The following CNTNAP1 variants were observed in gnomAD, a reference collection of about 807,000 sequenced individuals.
CNTNAP1 encodes the protein contactin associated protein 1.
Under a neutral mutation model 161.5 loss-of-function variants are expected in CNTNAP1, and 80 were observed. The observed-to-expected ratio is 0.50, with a 90% confidence interval of 0.41 to 0.60. The LOEUF is 0.60. CNTNAP1 is among the 20% of genes least tolerant of loss of function. The probability of loss-of-function intolerance (pLI) is 0.00; values close to 1 mark genes in which losing one functional copy is unlikely to be tolerated. For synonymous variants in CNTNAP1, 695 were observed against 733.1 expected (o/e 0.95, Z 0.84); for missense variants, 1,464 against 1,854.8 (o/e 0.79, Z 3.87).
intron 18 of CNTNAP1, among the ~76,000 whole-genome samples, chr17:42,694,176 CT>C (rs1335535599): frequency 1.0e-3 from 146 of 141,968 alleles, no homozygotes; most frequent in Admixed American, 1.1e-3. Flanking sequence ...TTTCTTTTTT[CT>C]TTTTTTTTTT....
In CNTNAP1 at chr17:42,687,167, G is replaced by A; in HGVS notation, c.1044+121G>A. ...CGGAGAATCCCTCTGTCCCCAGCCAGATGCTCAAGTTGGGAGGGGAGCGGG... is the reference window on the plus strand; with the variant it reads ...CGGAGAATCCCTCTGTCCCCAGCCAAATGCTCAAGTTGGGAGGGGAGCGGG... On this transcript the variant is annotated intron_variant, in intron 7 of 23. Coordinates refer to ENST00000264638, the MANE Select transcript of CNTNAP1 (RefSeq NM_003632.3). This position sits in a 1 kb window ranked among gnomAD's most constrained non-coding sequence, Gnocchi z 4.7. 1 of 1,399,830 alleles carries A rather than the reference G, an allele frequency of 7.1e-7. No individual in the cohort carries two copies. The highest frequency in any genetic ancestry group is 9.6e-7 in the Non-Finnish European group (1 of 1,037,104). The allele number at this position is 1,399,830 out of a possible 1,614,324, so 86.7% of individuals were successfully genotyped here.
At chr17:42,695,961 C>T (rs1055644754) in intron 19 of CNTNAP1, 64 bp from the exon 20 acceptor site, 10 of 1,602,174 alleles carry the variant, frequency 6.2e-6, no homozygotes, top group Admixed American at 1.7e-5. Context: ...CAAGGACCCA[C>T]GTGCTGTTAG....
intron 8 of CNTNAP1, 100 bp from the exon 9 acceptor site, chr17:42,688,362 G>A: frequency 6.7e-7 from 1 of 1,500,568 alleles, no homozygotes; most frequent in Non-Finnish European, 9.2e-7. Context: ...CACACAGGCT[G>A]CTACTGGGAC....
At chr17:42,686,798 T>C in intron 6 of CNTNAP1, 105 bp from the exon 7 acceptor site, 1 of 1,365,898 alleles carries the variant, frequency 7.3e-7, no homozygotes, top group Non-Finnish European at 1.0e-6. Context: ...TTTAAGTCTT[T>C]TACAAAACCC....
intron 17 of CNTNAP1, 136 bp downstream of exon 17, chr17:42,692,856 T>C (rs2053106899): frequency 1.4e-6 from 1 of 720,174 alleles, no homozygotes; most frequent in Admixed American, 2.9e-5. Flanking sequence ...GTCTCACTTG[T>C]CCCTCCAGGC....
chr17:42,686,191 G>GT lies in CNTNAP1; in HGVS notation c.900+51dup, dbSNP rs1567970300. 3 of 1,574,104 alleles carry GT rather than the reference G, an allele frequency of 1.9e-6. No homozygotes were observed. In the Admixed American group the frequency reaches 5.0e-5, roughly 26 times the overall value. ...TCGTGGTAGGGTAGATGCTGGATGA[G>GT]TGAGTGCAGGTCGGTCTCTCCCTTT... On this transcript the variant is annotated intron_variant, in intron 6 of 23. Transcript: ENST00000264638.
rs759509831 is a variant in CNTNAP1 at position 42,682,915 on chromosome 17, G to A, written c.67+19G>A. On this transcript the variant is annotated intron_variant, in intron 1 of 23. Transcript: ENST00000264638. ...GGCTACTGTGAGTGTTGGGCTTGGA[G>A]GCAGGTGGGGTTGGGCCCAGGAGTC... 6 of 1,590,024 alleles carry A rather than the reference G, an allele frequency of 3.8e-6. No individual in the cohort carries two copies. The African/African-American group carries it at 8.1e-5, about 21-fold the overall frequency.
chr17:42,697,472 G>C, intron 21 of CNTNAP1, 82 bp from the exon 22 acceptor site: 1 of 1,607,902 alleles, frequency 6.2e-7, no homozygotes, highest in Non-Finnish European at 8.5e-7. Context: ...CAGTGGGAAG[G>C]ATGAGTGGGA....
Position 42,689,988 on chromosome 17 carries a change from C to T in CNTNAP1, c.1736-100C>T. ...ACTCCTGACCTCGGGTGATGCACCA[C>T]CCCGGCCTCCCAAAGTGCTGGGATT... On this transcript the variant is annotated intron_variant, in intron 11 of 23. Coordinates refer to ENST00000264638, the MANE Select transcript of CNTNAP1 (RefSeq NM_003632.3). The T allele has an allele frequency of 5.8e-6, 8 of 1,389,994 alleles. No individual in the cohort carries two copies. The South Asian group carries it at 7.4e-5, about 13-fold the overall frequency. The allele number at this position is 1,389,994 out of a possible 1,614,324, so 86.1% of individuals were successfully genotyped here.
rs776867454 is a variant in CNTNAP1 at position 42,686,992 on chromosome 17, C to T, written c.990C>T (p.Asn330=). Residue 330 remains asparagine (N), a synonymous_variant, in exon 7 of 24, where the codon AAC becomes AAT. Coordinates refer to ENST00000264638, the MANE Select transcript of CNTNAP1 (RefSeq NM_003632.3). ...GCTGCATAGAAAACGTAATCTTCAA[C>T]CGCGTCAACATCGCAGACCTGGCCG... The part of the protein sequence containing the change: ...FRGCIENVIF[N]RVNIADLAVR... 6.2e-7 allele frequency: 1 copy of T among 1,613,966 alleles called. No homozygotes were observed. The highest frequency in any genetic ancestry group is 1.6e-4 in the Middle Eastern group (1 of 6,070).
rs1432826772 is a variant in CNTNAP1 at position 42,697,914 on chromosome 17, T to C, written c.3826T>C (p.Tyr1276His). Reference sequence around the variant, plus strand: ...TTTCTCCTCTCCAGACTTCCCCTACTACCATGATGAAGGATGGGTTGCCAT... The same window carrying C: ...TTTCTCCTCTCCAGACTTCCCCTACCACCATGATGAAGGATGGGTTGCCAT... Reference protein sequence around the residue: ...PWYLPPDFPYYHDEGWVAILL... With the variant: ...PWYLPPDFPYHHDEGWVAILL... Residue 1276 changes from tyrosine (Y) to histidine (H), a missense_variant, in exon 23 of 24, where the codon TAC becomes CAC. Around this residue, in one of 3 missense-constraint regions of CNTNAP1, gnomAD observed 1,383 missense variants for 1,765.0 expected, o/e 0.78. Coordinates refer to ENST00000264638, the MANE Select transcript of CNTNAP1 (RefSeq NM_003632.3). 10 of 1,614,160 alleles carry C rather than the reference T, an allele frequency of 6.2e-6. No individual in the cohort carries two copies. The South Asian group carries it at 9.9e-5, about 16-fold the overall frequency.
At chr17:42,698,536 T>A in intron 23 of CNTNAP1, 82 bp from the exon 24 acceptor site, 3 of 252,530 alleles carry the variant, frequency 1.2e-5, no homozygotes, top group Admixed American at 6.0e-5. Flanking sequence ...AAAGAGTGCG[T>A]GTGTGTGTGT....
Position 42,687,850 on chromosome 17 carries a change from G to A in CNTNAP1, c.1175G>A (p.Trp392Ter). ...RLAVSFRFRTWDLTGLLLFSR... is the reference protein window; with the variant it reads ...RLAVSFRFRT Reference sequence around the variant, plus strand: ...GCAGTCTCATTTCGCTTCCGCACCTGGGACCTCACCGGGCTTCTCCTTTTC... The same window carrying A: ...GCAGTCTCATTTCGCTTCCGCACCTAGGACCTCACCGGGCTTCTCCTTTTC... The change falls in exon 8 of 24, where the codon TGG becomes TAG. Residue 392 changes from tryptophan to a stop codon, truncating the protein, a stop_gained. Coordinates refer to ENST00000264638, the MANE Select transcript of CNTNAP1 (RefSeq NM_003632.3). LOFTEE classifies it high-confidence loss of function. The surrounding 1 kb of genome is among the most constrained non-coding windows in gnomAD (Gnocchi z 4.7). The A allele has an allele frequency of 6.2e-7, 1 of 1,614,230 alleles. No individual in the cohort carries two copies. Among genetic ancestry groups the A allele is most frequent in the Non-Finnish European group, 8.5e-7 (1 of 1,180,044 alleles).
intron 1 of CNTNAP1, chr17:42,683,249 T>TGGCCAAGGGGTGGGC (rs2052960767): frequency 1.5e-6 from 1 of 660,230 alleles, no homozygotes; most frequent in African/African-American, 2.0e-5. Flanking sequence ...AAGGCTGGAC[T>TGGCCAAGGGGTGGGC]TTGGAGCTGG....
chr17:42,696,822 T>C (rs2143677888), intron 20 of CNTNAP1, among the ~76,000 whole-genome samples: 1 of 151,856 alleles, frequency 6.6e-6, no homozygotes, highest in East Asian at 1.9e-4. Flanking sequence ...AATAAAGTGG[T>C]TTACCCAAAG....
chr17:42,684,532 C>T lies in CNTNAP1; in HGVS notation c.363+303C>T, dbSNP rs371959424. On this transcript the variant is annotated intron_variant, in intron 3 of 23. Coordinates refer to ENST00000264638, the MANE Select transcript of CNTNAP1 (RefSeq NM_003632.3). The stretch of plus-strand genomic sequence containing the variant: ...GACAGGGCACTTTATGGAAACTGTG[C>T]GGGCAAAGCCGCCAAGCAGGGAAGA... Among the ~76,000 whole-genome samples, 27 of 152,214 alleles carry T rather than the reference C, an allele frequency of 1.8e-4. No homozygotes were observed. The South Asian group carries it at 4.8e-3, about 27-fold the overall frequency.
At position 42,689,637 on chromosome 17, in the gene CNTNAP1, A is replaced by G; in HGVS notation, c.1735+10A>G. ...GAGACCTGCCACACACGTAAGCCAG[A>G]TGTGGTATGGGGGGAGTCAGGGACA... On this transcript the variant is annotated intron_variant, in intron 11 of 23. Coordinates refer to ENST00000264638, the MANE Select transcript of CNTNAP1 (RefSeq NM_003632.3). 4.3e-6 allele frequency: 7 copies of G among 1,609,244 alleles called. No individual in the cohort carries two copies. Among genetic ancestry groups the G allele is most frequent in the Non-Finnish European group, 6.0e-6 (7 of 1,175,782 alleles).
rs759297244 is a variant in CNTNAP1 at position 42,685,163 on chromosome 17, G to C, written c.511+25G>C. ...AGTAAGTGTGCAGAGAGCGCGGAGGGGGCCTGGGAGACAGCCTCCCCAGTT... is the reference window on the plus strand; with the variant it reads ...AGTAAGTGTGCAGAGAGCGCGGAGGCGGCCTGGGAGACAGCCTCCCCAGTT... On this transcript the variant is annotated intron_variant, in intron 4 of 23. Coordinates refer to ENST00000264638, the MANE Select transcript of CNTNAP1 (RefSeq NM_003632.3). The surrounding 1 kb of genome is among the most constrained non-coding windows in gnomAD (Gnocchi z 5.0). 2 of 1,608,648 alleles carry C rather than the reference G, an allele frequency of 1.2e-6. No individual in the cohort carries two copies. Among genetic ancestry groups the C allele is most frequent in the Admixed American group, 3.3e-5 (2 of 59,918 alleles).
intron 16 of CNTNAP1, 118 bp from the exon 17 acceptor site, chr17:42,692,381 G>A (rs146889144): frequency 1.2e-6 from 1 of 831,538 alleles, no homozygotes; most frequent in African/African-American, 1.7e-5. Context: ...AGACAAATTG[G>A]AGGGATATTC....
Sources: allele counts gnomAD v4.1 joint callset (sites outside exome capture counted in the v4.1 genomes callset), GRCh38; gene constraint gnomAD v4.1.1; regional missense constraint gnomAD v4.1.1; non-coding constraint Gnocchi (gnomAD v3.1); transcripts MANE v1.5; gene names NCBI Gene and HGNC (gene_info 2026-07-23, HGNC 2026-07-21).